EPSTI1: variants seen among roughly 807,000 people sequenced by gnomAD.
The protein encoded by EPSTI1 is epithelial-stromal interaction protein 1.
In EPSTI1, 66 loss-of-function variants were observed where a neutral mutation model predicts 49.9. That is an observed-to-expected ratio of 1.32 (90% confidence interval 1.08 to 1.62). EPSTI1 has a LOEUF of 1.62. EPSTI1 is among the 40% of genes most tolerant of loss of function. The pLI is 0.00. For missense variants in EPSTI1, 394 were observed against 365.5 expected, an observed-to-expected ratio of 1.08 and a Z score of -0.64; for synonymous variants, 137 against 130.7, an observed-to-expected ratio of 1.05 and a Z score of -0.33.
intron 1 of EPSTI1, among the ~76,000 whole-genome samples, chr13:42,977,454 C>T (rs770749127): frequency 7.2e-5 from 11 of 152,286 alleles, no homozygotes; most frequent in Non-Finnish European, 2.9e-5. Context: ...GTGGAAGTCA[C>T]GGAGAGAGAT....
chr13:42,982,962 C>T (rs372220944), intron 1 of EPSTI1, among the ~76,000 whole-genome samples: 1 of 152,310 alleles, frequency 6.6e-6, no homozygotes, highest in African/African-American at 2.4e-5. Flanking sequence ...GACCATACTC[C>T]TTTTTGACCA....
At chr13:42,980,746 G>T (rs531576667) in intron 1 of EPSTI1, among the ~76,000 whole-genome samples, 1 of 151,518 alleles carries the variant, frequency 6.6e-6, no homozygotes, top group South Asian at 2.1e-4. Flanking sequence ...AGTGCAATCT[G>T]TACTTTAGAG....
At chr13:42,957,836 A>C (rs1299790041) in intron 5 of EPSTI1, among the ~76,000 whole-genome samples, 1 of 152,256 alleles carries the variant, frequency 6.6e-6, no homozygotes, top group African/African-American at 2.4e-5. Context: ...TAGCTCCCAA[A>C]GTGCTGGGAT....
intron 1 of EPSTI1, among the ~76,000 whole-genome samples, chr13:42,978,193 G>A (rs9594840): frequency 0.32 from 47,951 of 151,502 alleles, 7,743 homozygotes; most frequent in Middle Eastern, 0.5. Context: ...GGTTGAGGAC[G>A]CACCCATGAC....
intron 7 of EPSTI1, 34 bp from the exon 8 acceptor site, chr13:42,917,658 A>AC: frequency 1.4e-6 from 2 of 1,401,382 alleles, no homozygotes; most frequent in Non-Finnish European, 1.9e-6. Flanking sequence ...AAAAAAAAAA[A>AC]ACAACTTGAT....
At chr13:42,910,364 T>C (rs1362437134) in intron 8 of EPSTI1, among the ~76,000 whole-genome samples, 2 of 148,516 alleles carry the variant, frequency 1.3e-5, no homozygotes, top group South Asian at 2.1e-4. Context: ...TGGGTTCAAG[T>C]GATTTGCATG....
At chr13:42,981,042 A>C (rs753537832) in intron 1 of EPSTI1, among the ~76,000 whole-genome samples, 1 of 152,144 alleles carries the variant, frequency 6.6e-6, no homozygotes, top group Non-Finnish European at 1.5e-5. Flanking sequence ...CTAGCCCTTG[A>C]GTTTTAATGA....
intron 8 of EPSTI1, among the ~76,000 whole-genome samples, chr13:42,905,127 A>G (rs2037462757): frequency 6.6e-6 from 1 of 152,218 alleles, no homozygotes; most frequent in Non-Finnish European, 1.5e-5. Context: ...GATATAAAAG[A>G]GCGAAACACC....
chr13:42,919,647 A>G (rs2037937381), intron 7 of EPSTI1, among the ~76,000 whole-genome samples: 1 of 152,238 alleles, frequency 6.6e-6, no homozygotes, highest in African/African-American at 2.4e-5. Flanking sequence ...TAATGGTTAC[A>G]GTACAGCATG....
intron 1 of EPSTI1, among the ~76,000 whole-genome samples, chr13:42,977,364 C>T (rs923148135): frequency 2.0e-5 from 3 of 152,120 alleles, no homozygotes; most frequent in African/African-American, 7.2e-5. Context: ...GAGAATGTGC[C>T]CAATTAAAAG....
At chr13:42,926,985 TAACA>T (rs2038199503) in intron 6 of EPSTI1, among the ~76,000 whole-genome samples, 1 of 81,098 alleles carries the variant, frequency 1.2e-5, no homozygotes, top group Non-Finnish European at 2.4e-5. Context: ...AACCCTCTGT[TAACA>T]GACACACACA....
At chr13:42,990,802 G>A (rs929933579) in intron 1 of EPSTI1, among the ~76,000 whole-genome samples, 1 of 152,146 alleles carries the variant, frequency 6.6e-6, no homozygotes, top group Non-Finnish European at 1.5e-5. Context: ...AGCAACCAGG[G>A]TTTGTCTTTC....
intron 5 of EPSTI1, among the ~76,000 whole-genome samples, chr13:42,954,406 C>A (rs185456393): frequency 4.6e-5 from 7 of 152,286 alleles, no homozygotes; most frequent in Non-Finnish European, 8.8e-5. Context: ...TTAAACAGCT[C>A]ATACAAAATT....
At chr13:42,985,600 G>C (rs960468890) in intron 1 of EPSTI1, among the ~76,000 whole-genome samples, 1 of 152,198 alleles carries the variant, frequency 6.6e-6, no homozygotes, top group Non-Finnish European at 1.5e-5. Flanking sequence ...GTGTTATACA[G>C]TTCTGAGAAA....
At chr13:42,976,672 A>T (rs2039887992) in intron 1 of EPSTI1, among the ~76,000 whole-genome samples, 1 of 152,196 alleles carries the variant, frequency 6.6e-6, no homozygotes, top group Non-Finnish European at 1.5e-5. Context: ...GAAATGCAAG[A>T]CATAGTGATG....
intron 1 of EPSTI1, among the ~76,000 whole-genome samples, chr13:42,981,001 A>C (rs189523849): frequency 6.6e-6 from 1 of 152,314 alleles, no homozygotes; most frequent in East Asian, 1.9e-4. Flanking sequence ...TGCTTTCACT[A>C]GTACCATAGT....
In EPSTI1 at chr13:42,992,170, C is replaced by A; in HGVS notation, c.-5G>T. ...CACTCTATTGCGGGTGTTCATGGTT[C>A]ACAGCCCGCGGGTCCCGGGCCGCCG... On this transcript the variant is annotated 5_prime_UTR_variant, in exon 1 of 11. Coordinates refer to ENST00000313624, the MANE Select transcript of EPSTI1 (RefSeq NM_033255.5). 6.5e-7 allele frequency: 1 copy of A among 1,550,298 alleles called. No homozygotes were observed. Among genetic ancestry groups the A allele is most frequent in the South Asian group, 1.2e-5 (1 of 81,828 alleles).
intron 6 of EPSTI1, among the ~76,000 whole-genome samples, chr13:42,938,914 C>CAAAAAAAAAAAAAAAAAAAAAAAAAAAA: frequency 1.7e-5 from 1 of 59,676 alleles, no homozygotes. Context: ...GACTCTGTCT[C>CAAAAAAAAAAAAAAAAAAAAAAAAAAAA]AAAAAAAAAA....
At chr13:42,945,268 C>T (rs1304994258) in intron 6 of EPSTI1, among the ~76,000 whole-genome samples, 1 of 152,190 alleles carries the variant, frequency 6.6e-6, no homozygotes, top group Admixed American at 6.5e-5. Context: ...TATAAAATCA[C>T]CAGATCTCAT....
Sources: allele counts gnomAD v4.1 joint callset (sites outside exome capture counted in the v4.1 genomes callset), GRCh38; gene constraint gnomAD v4.1.1; transcripts MANE v1.5; gene names NCBI Gene and HGNC (gene_info 2026-07-23, HGNC 2026-07-21).